SCAF8: variants seen among roughly 807,000 people sequenced by gnomAD.
The protein encoded by SCAF8 is SR-related CTD associated factor 8, also known as SR-related and CTD-associated factor 8.
A neutral mutation model predicts 140.5 loss-of-function variants in SCAF8; 23 were observed. That is an observed-to-expected ratio of 0.16 (90% CI 0.12 to 0.23). The LOEUF (loss-of-function observed/expected upper bound fraction) is 0.23, where lower values mean the gene tolerates loss of function less well. Among genes scored for constraint, SCAF8 ranks in the 10% least tolerant of loss-of-function variants. The pLI, the probability that SCAF8 is intolerant of heterozygous loss-of-function variation, is 1.00. For synonymous variants in SCAF8, 575 were observed against 528.9 expected, an observed-to-expected ratio of 1.09 and a Z score of -1.20; for missense variants, 1,397 against 1,555.7, an observed-to-expected ratio of 0.90 and a Z score of 1.72.
intron 4 of SCAF8, 144 bp from the exon 5 acceptor site, chr6:154,792,679 A>G (rs928223178): frequency 1.8e-6 from 1 of 547,800 alleles, no homozygotes; most frequent in Non-Finnish European, 3.0e-6. Flanking sequence ...AAAATGATAG[A>G]AACATAGAAT....
At position 154,830,958 on chromosome 6, in the gene SCAF8, C is replaced by T. The variant is rs751004294; in HGVS notation, c.2177C>T (p.Thr726Ile). The change falls in exon 19 of 20, where the codon ACT becomes ATT. Residue 726 changes from threonine (T) to isoleucine (I), a missense_variant. By Grantham distance (89) the Thr-to-Ile change is moderately conservative (BLOSUM62 -1). This residue lies in a region of SCAF8 where 930 missense variants were observed against 874.6 expected (regional missense o/e 1.06). Coordinates refer to ENST00000367178, the MANE Select transcript of SCAF8 (RefSeq NM_014892.5). ...VQPSLSMTPE[T>I]VKDVGFGSLV... ...CCGTCATTATCCATGACACCGGAAA[C>T]TGTGAAAGATGTTGGATTTGGTAGC... is the stretch of plus-strand genomic sequence containing the variant. The T allele has an allele frequency of 6.2e-7, 1 of 1,614,090 alleles. No individual in the cohort carries two copies. The highest frequency in any genetic ancestry group is 1.1e-5 in the South Asian group (1 of 91,082).
chr6:154,778,103 C>A, intron 3 of SCAF8, 58 bp downstream of exon 3: 1 of 947,782 alleles, frequency 1.1e-6, no homozygotes, highest in Non-Finnish European at 1.6e-6. Flanking sequence ...CTGTACTCTT[C>A]TCCTTTAGAT....
intron 1 of SCAF8, among the ~76,000 whole-genome samples, chr6:154,761,480 G>A (rs1221914823): frequency 6.6e-6 from 1 of 152,164 alleles, no homozygotes; most frequent in East Asian, 1.9e-4. Flanking sequence ...GCAATAGAGA[G>A]AGACCCCTTC....
chr6:154,815,068 C>T (rs1403768171), intron 12 of SCAF8, among the ~76,000 whole-genome samples: 2 of 152,214 alleles, frequency 1.3e-5, no homozygotes, highest in East Asian at 1.9e-4. Context: ...GAGGCCGAGG[C>T]GGACAGATCA....
intron 1 of SCAF8, among the ~76,000 whole-genome samples, chr6:154,734,832 A>G (rs1778368721): frequency 6.6e-6 from 1 of 152,210 alleles, no homozygotes; most frequent in Non-Finnish European, 1.5e-5. Flanking sequence ...CGCCTTGGAA[A>G]GTGTAATTAT....
intron 1 of SCAF8, among the ~76,000 whole-genome samples, chr6:154,739,561 G>A (rs935472905): frequency 6.6e-6 from 1 of 152,090 alleles, no homozygotes; most frequent in African/African-American, 2.4e-5. Context: ...AATAATTTCA[G>A]TTTAATTTCT....
chr6:154,772,507 T>C (rs1005398197), intron 1 of SCAF8, among the ~76,000 whole-genome samples: 10 of 152,070 alleles, frequency 6.6e-5, no homozygotes, highest in Non-Finnish European at 1.3e-4. Flanking sequence ...CCAGGCAACA[T>C]GGTGAAACAC....
At chr6:154,828,417 C>G (rs1295613483) in intron 18 of SCAF8, among the ~76,000 whole-genome samples, 1 of 151,928 alleles carries the variant, frequency 6.6e-6, no homozygotes, top group Non-Finnish European at 1.5e-5. Flanking sequence ...TTTCTCATTT[C>G]TCTTCATCTT....
At position 154,761,540 on chromosome 6, in the gene SCAF8, C is replaced by T. The variant is rs148907797; in HGVS notation, c.31-12449C>T. Among the ~76,000 whole-genome samples, 4 of 152,284 alleles carry T rather than the reference C, an allele frequency of 2.6e-5. No homozygotes were observed. The East Asian group carries it at 7.7e-4, about 29-fold the overall frequency. On this transcript the variant is annotated intron_variant, in intron 1 of 19. Transcript: ENST00000367178. ...AAAAATCATTTTGGAAGTTTTCAGA[C>T]TGGTCCTTTTTTTAGTATAAAAGGG...
chr6:154,792,035 A>G (rs1777435722), intron 4 of SCAF8, among the ~76,000 whole-genome samples: 1 of 152,072 alleles, frequency 6.6e-6, no homozygotes, highest in South Asian at 2.1e-4. Flanking sequence ...ACAAAATGGT[A>G]AAGGATTCAA....
At chr6:154,754,798 T>A (rs1295151018) in intron 1 of SCAF8, among the ~76,000 whole-genome samples, 1 of 152,258 alleles carries the variant, frequency 6.6e-6, no homozygotes, top group African/African-American at 2.4e-5. Flanking sequence ...TCCTTATCTT[T>A]TCAACTATTA....
intron 17 of SCAF8, 127 bp from the exon 18 acceptor site, chr6:154,827,045 A>T: frequency 1.4e-6 from 1 of 723,906 alleles, no homozygotes; most frequent in Non-Finnish European, 2.2e-6. Flanking sequence ...AATAGAAAAA[A>T]TATATATAAA....
At chr6:154,784,497 T>C (rs1040420301) in intron 3 of SCAF8, among the ~76,000 whole-genome samples, 1 of 152,206 alleles carries the variant, frequency 6.6e-6, no homozygotes, top group Non-Finnish European at 1.5e-5. Flanking sequence ...ACAGTCACTC[T>C]TCCGTTTCTG....
In SCAF8 at chr6:154,792,820, TAGAG is replaced by T; in HGVS notation, c.322-2_323del. ...AAAATGTCATGTTTCTTTTTTTCTC[TAGAG>T]TAAAATAGTGAGAGTACTAAACTTA... On this transcript the variant is annotated splice_acceptor_variant and coding_sequence_variant, in exon 5 of 20. Coordinates refer to ENST00000367178, the MANE Select transcript of SCAF8 (RefSeq NM_014892.5). LOFTEE classifies it high-confidence loss of function. 6.3e-7 allele frequency: 1 copy of T among 1,585,622 alleles called. No homozygotes were observed. Among genetic ancestry groups the T allele is most frequent in the Admixed American group, 1.8e-5 (1 of 54,638 alleles).
chr6:154,743,520 G>T lies in SCAF8; in HGVS notation c.30+9590G>T, dbSNP rs1778624304. ...TTAAAGCAAACTTTTTTAAGTACCT[G>T]AGAAATTTGATGTCCTTTTTGTAAA... On this transcript the variant is annotated intron_variant, in intron 1 of 19. Coordinates refer to ENST00000367178, the MANE Select transcript of SCAF8 (RefSeq NM_014892.5). Among the ~76,000 whole-genome samples, 4 of 152,164 alleles carry T rather than the reference G, an allele frequency of 2.6e-5. No homozygotes were observed. In the South Asian group the frequency reaches 8.3e-4, roughly 32 times the overall value.
Position 154,832,779 on chromosome 6 carries a change from T to A in SCAF8, c.3200T>A (p.Ile1067Lys), listed in dbSNP as rs748239105. 2.5e-6 allele frequency: 4 copies of A among 1,613,656 alleles called. No homozygotes were observed. Among genetic ancestry groups the A allele is most frequent in the African/African-American group, 1.3e-5 (1 of 74,810 alleles). ...CATTTTGGAAGACCTCCTGTAGATA[T>A]AAGAGAGAATCTTGTGAGGCCAGGT... ...RDHFGRPPVD[I>K]RENLVRPGID... Residue 1067 changes from isoleucine (I) to lysine (K), a missense_variant, in exon 20 of 20, where the codon ATA becomes AAA. Ile to Lys is a moderately radical substitution (Grantham distance 102). This residue lies in a region of SCAF8 where 930 missense variants were observed against 874.6 expected (regional missense o/e 1.06). Coordinates refer to ENST00000367178, the MANE Select transcript of SCAF8 (RefSeq NM_014892.5).
At chr6:154,740,596 G>C (rs1282667136) in intron 1 of SCAF8, among the ~76,000 whole-genome samples, 1 of 151,060 alleles carries the variant, frequency 6.6e-6, no homozygotes, top group Non-Finnish European at 1.5e-5. Flanking sequence ...TATATGTGAA[G>C]TAAAGATTTT....
intron 3 of SCAF8, among the ~76,000 whole-genome samples, chr6:154,783,538 G>C (rs888622728): frequency 1.3e-5 from 2 of 152,094 alleles, no homozygotes; most frequent in African/African-American, 4.8e-5. Context: ...TATTTGTGGT[G>C]ATTTTCAAGT....
intron 3 of SCAF8, among the ~76,000 whole-genome samples, chr6:154,787,198 A>C (rs1252732181): frequency 1.3e-5 from 2 of 152,224 alleles, no homozygotes; most frequent in Non-Finnish European, 2.9e-5. Flanking sequence ...CTTCCAAAAA[A>C]ACATACAGGA....
Sources: gnomAD v4.1 joint callset for allele counts (sites outside exome capture counted in the v4.1 genomes callset) on GRCh38, gnomAD v4.1.1 for gene constraint, gnomAD v4.1.1 regional missense constraint, MANE v1.5 for transcripts, NCBI Gene and HGNC (gene_info 2026-07-23, HGNC 2026-07-21) for gene names.